The following SGTB variants were observed in gnomAD, a reference collection of about 807,000 sequenced individuals.
The protein encoded by SGTB is small glutamine rich tetratricopeptide repeat co-chaperone beta, also known as small glutamine-rich tetratricopeptide repeat-containing protein beta.
Under a neutral mutation model 43.9 loss-of-function variants are expected in SGTB, and 19 were observed. That is an observed-to-expected ratio of 0.43 (90% CI 0.30 to 0.63). SGTB has a LOEUF of 0.63. Among genes scored for constraint, SGTB ranks in the 30% least tolerant of loss-of-function variants. The probability of loss-of-function intolerance (pLI) is 0.12; values close to 1 mark genes in which losing one functional copy is unlikely to be tolerated. For synonymous variants in SGTB, 116 were observed against 117.3 expected (o/e 0.99, Z 0.07); for missense variants, 304 against 358.9 (o/e 0.85, Z 1.24).
intron 5 of SGTB, among the ~76,000 whole-genome samples, 197 bp from the exon 6 acceptor site, chr5:65,685,669 ATGCAGGC>A (rs1358091788): frequency 7.9e-5 from 12 of 152,218 alleles, no homozygotes; most frequent in Non-Finnish European, 1.5e-4. Flanking sequence ...AGAAAAAAGT[ATGCAGGC>A]TGCCTTTCAC....
At chr5:65,695,969 C>T (rs1287068865) in intron 5 of SGTB, among the ~76,000 whole-genome samples, 1 of 152,194 alleles carries the variant, frequency 6.6e-6, no homozygotes, top group African/African-American at 2.4e-5. Flanking sequence ...GATTCAACAA[C>T]AAGCTCAAAT....
chr5:65,689,404 A>G (rs1237220871), intron 5 of SGTB, among the ~76,000 whole-genome samples: 1 of 152,214 alleles, frequency 6.6e-6, no homozygotes, highest in Non-Finnish European at 1.5e-5. Context: ...ATGACTGGGA[A>G]CAATACAAGT....
In SGTB at chr5:65,720,762, G is replaced by A. The variant is rs146096119; in HGVS notation, c.46C>T (p.Arg16Trp). 23 of 1,613,852 alleles carry A rather than the reference G, an allele frequency of 1.4e-5. No individual in the cohort carries two copies. The highest frequency in any genetic ancestry group is 8.0e-5 in the African/African-American group (6 of 75,034). The change falls in exon 2 of 11, where the codon CGG becomes TGG. Residue 16 changes from arginine to tryptophan, a missense_variant. By Grantham distance (101) the Arg-to-Trp change is moderately radical (BLOSUM62 -3). Transcript: ENST00000381007. ...TAAGTGTCCATCTGACTTTGTTCCC[G>A]TAAGAAACGAATAACTGCATAAACC... ...HLVYAVIRFL[R>W]EQSQMDTYTS...
chr5:65,697,806 A>T (rs1757740782), intron 5 of SGTB, among the ~76,000 whole-genome samples: 1 of 152,250 alleles, frequency 6.6e-6, no homozygotes, highest in Admixed American at 6.5e-5. Flanking sequence ...TTTTAACTAG[A>T]AGCAGCCCAG....
intron 2 of SGTB, among the ~76,000 whole-genome samples, chr5:65,719,659 A>G (rs1758217581): frequency 6.6e-6 from 1 of 152,156 alleles, no homozygotes. Context: ...CTGAACCTCC[A>G]CAAGCCCATC....
intron 5 of SGTB, among the ~76,000 whole-genome samples, chr5:65,689,085 C>T (rs750842769): frequency 4.6e-5 from 7 of 152,222 alleles, no homozygotes; most frequent in Non-Finnish European, 1.0e-4. Context: ...GCTGGGATTA[C>T]AGGCGTGAGC....
chr5:65,705,924 T>A (rs1356504538), intron 4 of SGTB, among the ~76,000 whole-genome samples: 1 of 151,474 alleles, frequency 6.6e-6, no homozygotes, highest in African/African-American at 2.4e-5. Flanking sequence ...TAGTCCCAGC[T>A]ACTCAGGAGG....
rs1167088275 is a variant in SGTB, at chr5:65,666,684, G to A, written c.*3562C>T. ...TTCCAAAGTGATCAAGGTACTTGAA[G>A]AGCAAAAATGGCTTGAATAGAATGG... is the stretch of plus-strand genomic sequence containing the variant. On this transcript the variant is annotated 3_prime_UTR_variant, in exon 11 of 11. Transcript: ENST00000381007. The A allele has an allele frequency of 1.3e-5, 2 of 152,168 alleles. No individual in the cohort carries two copies. Among genetic ancestry groups the A allele is most frequent in the African/African-American group, 4.8e-5 (2 of 41,454 alleles). The allele number at this position is 152,168 out of a possible 1,614,324, so 9.4% of individuals were successfully genotyped here.
At chr5:65,684,831 G>A (rs1476699109) in intron 6 of SGTB, among the ~76,000 whole-genome samples, 1 of 152,160 alleles carries the variant, frequency 6.6e-6, no homozygotes. Context: ...GGGATTACAG[G>A]CGTGAGTCAC....
intron 8 of SGTB, 73 bp downstream of exon 8, chr5:65,680,421 C>T (rs1757371897): frequency 1.3e-6 from 2 of 1,515,382 alleles, no homozygotes; most frequent in African/African-American, 3.0e-5. Context: ...TCACTTGTTT[C>T]TAAAAAAAAT....
rs993393221 is a variant in SGTB at position 65,669,964 on chromosome 5, G to C, written c.*282C>G. 4.4e-5 allele frequency: 13 copies of C among 292,410 alleles called. No homozygotes were observed. In the Admixed American group the frequency reaches 5.4e-4, roughly 12 times the overall value. 18.1% of individuals were successfully genotyped at this position (292,410 alleles called of 1,614,324 possible). A position where few individuals can be genotyped will look rare whatever the true frequency, so the allele number is the denominator to read the frequency against. On this transcript the variant is annotated 3_prime_UTR_variant, in exon 11 of 11. Transcript: ENST00000381007. ...TTAAGTCTAATATACAAATATGATA[G>C]AAGTTTGAAAATGGAACCTTATCCC...
At chr5:65,705,179 A>G (rs1318914622) in intron 4 of SGTB, among the ~76,000 whole-genome samples, 2 of 152,214 alleles carry the variant, frequency 1.3e-5, no homozygotes, top group African/African-American at 4.8e-5. Flanking sequence ...GTGGTGGCTT[A>G]TGCCTGTAAT....
At chr5:65,708,579 A>T (rs778407775) in intron 3 of SGTB, 21 bp from the exon 4 acceptor site, 1 of 1,598,918 alleles carries the variant, frequency 6.3e-7, no homozygotes, top group Admixed American at 1.7e-5. Flanking sequence ...ATAAAAATCA[A>T]TGCACTTCCC....
At chr5:65,703,347 A>G (rs1757858854) in intron 5 of SGTB, among the ~76,000 whole-genome samples, 1 of 152,260 alleles carries the variant, frequency 6.6e-6, no homozygotes, top group African/African-American at 2.4e-5. Flanking sequence ...AATAATGCTT[A>G]TGAAAGACTG....
chr5:65,702,086 G>A lies in SGTB; in HGVS notation c.374+2193C>T, dbSNP rs538896633. ...TTCGATCACTGTAGAAAGTTCTACTGGAACTTCAAAATTTAAAACAGAATA... is the reference window on the plus strand; with the variant it reads ...TTCGATCACTGTAGAAAGTTCTACTAGAACTTCAAAATTTAAAACAGAATA... On this transcript the variant is annotated intron_variant, in intron 5 of 10. Transcript: ENST00000381007. Among the ~76,000 whole-genome samples, 63 of 152,244 alleles carry A rather than the reference G, an allele frequency of 4.1e-4. No homozygotes were observed. The South Asian group carries it at 0.013, about 31-fold the overall frequency.
chr5:65,716,065 C>T (rs542812372), intron 2 of SGTB, among the ~76,000 whole-genome samples: 35 of 152,302 alleles, frequency 2.3e-4, no homozygotes, highest in African/African-American at 7.9e-4. Flanking sequence ...CCACCGCACC[C>T]GGCCCACAGC....
At chr5:65,712,567 T>C (rs1758064166) in intron 3 of SGTB, among the ~76,000 whole-genome samples, 1 of 152,236 alleles carries the variant, frequency 6.6e-6, no homozygotes, top group Non-Finnish European at 1.5e-5. Flanking sequence ...CATTTCTGCA[T>C]GGCTGCTTCC....
intron 2 of SGTB, among the ~76,000 whole-genome samples, chr5:65,714,586 A>G (rs1758113047): frequency 6.6e-6 from 1 of 152,164 alleles, no homozygotes; most frequent in East Asian, 1.9e-4. Flanking sequence ...AGGCTGAGGC[A>G]GGCAGATCAC....
chr5:65,719,378 C>T (rs1271013751), intron 2 of SGTB, among the ~76,000 whole-genome samples: 1 of 151,968 alleles, frequency 6.6e-6, no homozygotes, highest in Admixed American at 6.6e-5. Flanking sequence ...TCACTTGAGC[C>T]CAGGAGTTTG....
Sources: gnomAD v4.1 joint callset for allele counts (sites outside exome capture counted in the v4.1 genomes callset) on GRCh38, gnomAD v4.1.1 for gene constraint, MANE v1.5 for transcripts, NCBI Gene and HGNC (gene_info 2026-07-23, HGNC 2026-07-21) for gene names.